KIRREL3: variants seen among roughly 807,000 people sequenced by gnomAD.
KIRREL3 encodes the protein kin of IRRE-like protein 3.
In KIRREL3, 36 loss-of-function variants were observed where a neutral mutation model predicts 89.7. The observed-to-expected ratio is 0.40, with a 90% confidence interval of 0.31 to 0.53. The LOEUF is 0.53. Among genes scored for constraint, KIRREL3 ranks in the 20% least tolerant of loss-of-function variants. The pLI is 0.49. For synonymous variants in KIRREL3, 445 were observed against 441.4 expected, an observed-to-expected ratio of 1.01 and a Z score of -0.10; for missense variants, 864 against 1,056.6, an observed-to-expected ratio of 0.82 and a Z score of 2.53.
chr11:126,862,175 A>G (rs1171895771), intron 1 of KIRREL3, among the ~76,000 whole-genome samples: 1 of 152,178 alleles, frequency 6.6e-6, no homozygotes, highest in South Asian at 2.1e-4. Context: ...CATACTACAC[A>G]TGTTGTTTTG....
chr11:126,793,996 T>C (rs1417060115), intron 1 of KIRREL3, among the ~76,000 whole-genome samples: 2 of 152,212 alleles, frequency 1.3e-5, no homozygotes, highest in African/African-American at 2.4e-5. Flanking sequence ...ATGCTGGTGA[T>C]AGACTGAGAG....
chr11:126,569,224 G>A lies in KIRREL3; in HGVS notation c.56-6312C>T, dbSNP rs560016142. Among the ~76,000 whole-genome samples, 1 of 152,282 alleles carries A rather than the reference G, an allele frequency of 6.6e-6. No homozygotes were observed. The highest frequency in any genetic ancestry group is 2.1e-4 in the South Asian group (1 of 4,816). On this transcript the variant is annotated intron_variant, in intron 1 of 16. Coordinates refer to ENST00000525144, the MANE Select transcript of KIRREL3 (RefSeq NM_032531.4). The surrounding 1 kb of genome is among the most constrained non-coding windows in gnomAD (Gnocchi z 6.5). ...GCCTATTAAGTCACAGGTGATAATG[G>A]TACATTTCTGGACTTACTGTGTTCG...
intron 1 of KIRREL3, among the ~76,000 whole-genome samples, chr11:126,932,672 C>T (rs1054783418): frequency 2.6e-5 from 4 of 152,190 alleles, no homozygotes; most frequent in South Asian, 2.1e-4. Flanking sequence ...CCCAGCTCTT[C>T]GCATGGCCAG....
At chr11:126,963,310 T>TACACACAC (rs10626906) in intron 1 of KIRREL3, among the ~76,000 whole-genome samples, 3 of 146,170 alleles carry the variant, frequency 2.1e-5, no homozygotes, top group East Asian at 2.0e-4. Context: ...AGAACACACA[T>TACACACAC]ACACACACAC....
In KIRREL3 at chr11:126,587,715, A is replaced by T. The variant is rs1044100904; in HGVS notation, c.56-24803T>A. ...TGTCTCTGAATGGCTTTTACTTTTC[A>T]CTAAATTGAAACCGCAGTACAATAT... is the stretch of plus-strand genomic sequence containing the variant. On this transcript the variant is annotated intron_variant, in intron 1 of 16. Coordinates refer to ENST00000525144, the MANE Select transcript of KIRREL3 (RefSeq NM_032531.4). The surrounding 1 kb of genome is among the most constrained non-coding windows in gnomAD (Gnocchi z 5.2). Among the ~76,000 whole-genome samples, 16 of 152,240 alleles carry T rather than the reference A, an allele frequency of 1.1e-4. No homozygotes were observed. The highest frequency in any genetic ancestry group is 3.9e-4 in the African/African-American group (16 of 41,472).
rs530967566 is a variant in KIRREL3 at position 126,821,376 on chromosome 11, C to T, written c.55+179079G>A. Among the ~76,000 whole-genome samples the T allele has an allele frequency of 4.0e-3, 449 of 111,704 alleles. 6 individuals carry two copies. Among genetic ancestry groups the T allele is most frequent in the South Asian group, 7.9e-3 (25 of 3,178 alleles). The allele number at this position is 111,704 out of a possible 152,430, so 73.3% of individuals were successfully genotyped here. A position where few individuals can be genotyped will look rare whatever the true frequency, so the allele number is the denominator to read the frequency against. ...ATGTAACTTCCAACCAACATCCCTT[C>T]CTTTGGAAAGGGCTTACCTGGCCAT... On this transcript the variant is annotated intron_variant, in intron 1 of 16. Coordinates refer to ENST00000525144, the MANE Select transcript of KIRREL3 (RefSeq NM_032531.4).
rs1457609722 is a variant in KIRREL3, at chr11:126,768,074, AT to A, written c.56-205163del. The stretch of plus-strand genomic sequence containing the variant: ...AATTTTATGATTCCTCTTATCAGCC[AT>A]TTCTGGCAACTGTCATTCATTATTT... On this transcript the variant is annotated intron_variant, in intron 1 of 16. Transcript: ENST00000525144. This position sits in a 1 kb window ranked among gnomAD's most constrained non-coding sequence, Gnocchi z 4.5. Among the ~76,000 whole-genome samples the A allele has an allele frequency of 1.3e-5, 2 of 152,108 alleles. No individual in the cohort carries two copies. Among genetic ancestry groups the A allele is most frequent in the Non-Finnish European group, 2.9e-5 (2 of 68,022 alleles).
intron 1 of KIRREL3, among the ~76,000 whole-genome samples, chr11:126,963,597 C>T (rs754780092): frequency 6.6e-6 from 1 of 152,132 alleles, no homozygotes; most frequent in Admixed American, 6.6e-5. Flanking sequence ...GTTCAAACCC[C>T]GAAGACAAAA....
rs1944380785 is a variant in KIRREL3 at position 126,639,284 on chromosome 11, C to T, written c.56-76372G>A. ...AACCTTACATATTGACTGAATCAGG[C>T]CTGTCTCCAATGAAGATCTAGGCAG... On this transcript the variant is annotated intron_variant, in intron 1 of 16. Coordinates refer to ENST00000525144, the MANE Select transcript of KIRREL3 (RefSeq NM_032531.4). The surrounding 1 kb of genome is among the most constrained non-coding windows in gnomAD (Gnocchi z 4.3). Among the ~76,000 whole-genome samples, 1 of 152,174 alleles carries T rather than the reference C, an allele frequency of 6.6e-6. No homozygotes were observed. The highest frequency in any genetic ancestry group is 1.5e-5 in the Non-Finnish European group (1 of 68,032).
chr11:126,912,530 C>T lies in KIRREL3; in HGVS notation c.55+87925G>A, dbSNP rs963474575. 6.6e-6 allele frequency among the ~76,000 whole-genome samples: 1 copy of T among 152,226 alleles called. No individual in the cohort carries two copies. The highest frequency in any genetic ancestry group is 2.4e-5 in the African/African-American group (1 of 41,464). Reference sequence around the variant, plus strand: ...GAACATATCACACTCACCTACAAAACAAGCAACCCACCATGAGCTGTGAGA... The same window carrying T: ...GAACATATCACACTCACCTACAAAATAAGCAACCCACCATGAGCTGTGAGA... On this transcript the variant is annotated intron_variant, in intron 1 of 16. Coordinates refer to ENST00000525144, the MANE Select transcript of KIRREL3 (RefSeq NM_032531.4). The surrounding 1 kb of genome is among the most constrained non-coding windows in gnomAD (Gnocchi z 4.7).
At chr11:126,707,812 T>G (rs1366500545) in intron 1 of KIRREL3, among the ~76,000 whole-genome samples, 1 of 149,968 alleles carries the variant, frequency 6.7e-6, no homozygotes, top group East Asian at 2.0e-4. Context: ...TCTTAAGTGC[T>G]TCCTCTTGGT....
At chr11:126,586,969 A>G (rs1415098806) in intron 1 of KIRREL3, among the ~76,000 whole-genome samples, 1 of 152,180 alleles carries the variant, frequency 6.6e-6, no homozygotes, top group Non-Finnish European at 1.5e-5. Context: ...TTCAGCCAAT[A>G]AACGTCCTTT....
Position 126,490,200 on chromosome 11 carries a change from T to TTGTGTGTG in KIRREL3, c.434-16742_434-16735dup, listed in dbSNP as rs10609593. Among the ~76,000 whole-genome samples, 1 of 140,984 alleles carries TTGTGTGTG rather than the reference T, an allele frequency of 7.1e-6. No individual in the cohort carries two copies. The highest frequency in any genetic ancestry group is 2.7e-5 in the African/African-American group (1 of 36,718). 92.5% of individuals were successfully genotyped at this position (140,984 alleles called of 152,430 possible). A position where few individuals can be genotyped will look rare whatever the true frequency, so the allele number is the denominator to read the frequency against. On this transcript the variant is annotated intron_variant, in intron 4 of 16. Coordinates refer to ENST00000525144, the MANE Select transcript of KIRREL3 (RefSeq NM_032531.4). The surrounding 1 kb of genome is among the most constrained non-coding windows in gnomAD (Gnocchi z 4.2). ...TATTTGCATTTGGCTTTGGAATGCA[T>TTGTGTGTG]TGTGTGTGTGTGTGTGTGTGTGTGT...
rs1035042172 is a variant in KIRREL3 at position 126,902,208 on chromosome 11, G to T, written c.55+98247C>A. ...TGGCCTGATAGCTCGTCCACCAAAA[G>T]GTGCTGTCATTGATGCTGGCAAGGA... On this transcript the variant is annotated intron_variant, in intron 1 of 16. Transcript: ENST00000525144. Among the ~76,000 whole-genome samples the T allele has an allele frequency of 6.6e-5, 10 of 152,290 alleles. 1 individual carries two copies. The highest frequency in any genetic ancestry group is 4.6e-4 in the Admixed American group (7 of 15,294).
At chr11:126,435,881 G>A (rs77999122) in intron 12 of KIRREL3, among the ~76,000 whole-genome samples, 1,889 of 152,142 alleles carry the variant, frequency 0.012, 39 homozygotes, top group African/African-American at 0.041. Context: ...GAGGCCTCCT[G>A]GGCCTCAGAG....
intron 1 of KIRREL3, among the ~76,000 whole-genome samples, chr11:126,941,498 C>T (rs1043455639): frequency 1.3e-5 from 2 of 152,180 alleles, no homozygotes; most frequent in East Asian, 3.8e-4. Context: ...AATCACTCAC[C>T]AGGTGATTCT....
chr11:126,975,359 C>T (rs193016839), intron 1 of KIRREL3, among the ~76,000 whole-genome samples: 6 of 152,274 alleles, frequency 3.9e-5, no homozygotes. Flanking sequence ...ACAAGGCCCA[C>T]TTACTTCATG....
intron 1 of KIRREL3, among the ~76,000 whole-genome samples, chr11:126,963,157 C>G (rs1035987373): frequency 6.6e-6 from 1 of 152,082 alleles, no homozygotes; most frequent in South Asian, 2.1e-4. Flanking sequence ...TAAAAAATAA[C>G]CTTTTATAGC....
At chr11:126,581,315 A>C (rs1941539528) in intron 1 of KIRREL3, among the ~76,000 whole-genome samples, 1 of 151,824 alleles carries the variant, frequency 6.6e-6, no homozygotes, top group Non-Finnish European at 1.5e-5. Context: ...TGATTTTCCC[A>C]CCTCAGCCTC....
Sources: allele counts gnomAD v4.1 joint callset (sites outside exome capture counted in the v4.1 genomes callset), GRCh38; gene constraint gnomAD v4.1.1; non-coding constraint Gnocchi (gnomAD v3.1); transcripts MANE v1.5; gene names NCBI Gene and HGNC (gene_info 2026-07-23, HGNC 2026-07-21).